The following NRG3 variants were observed in gnomAD, a reference collection of about 807,000 sequenced individuals.
NRG3 encodes pro-neuregulin-3, membrane-bound isoform.
Under a neutral mutation model 66.9 loss-of-function variants are expected in NRG3, and 31 were observed. The ratio of observed to expected loss-of-function variants is 0.46; its 90% CI spans 0.35 to 0.63. The LOEUF (loss-of-function observed/expected upper bound fraction) is 0.63, where lower values mean the gene tolerates loss of function less well. Among genes scored for constraint, NRG3 ranks in the 20% least tolerant of loss-of-function variants. NRG3 has a pLI of 0.00. For missense variants in NRG3, 910 were observed against 878.9 expected (o/e 1.04, Z -0.45); for synonymous variants, 393 against 359.4 (o/e 1.09, Z -1.06).
At chr10:82,398,063 A>G (rs140372136) in intron 2 of NRG3, among the ~76,000 whole-genome samples, 19 of 152,268 alleles carry the variant, frequency 1.2e-4, no homozygotes, top group Non-Finnish European at 2.6e-4. Context: ...CCTTTAGGCA[A>G]TGGCATCTAA....
chr10:81,928,171 A>C (rs1846991631), intron 1 of NRG3, among the ~76,000 whole-genome samples: 1 of 152,212 alleles, frequency 6.6e-6, no homozygotes, highest in South Asian at 2.1e-4. Context: ...TCTGCTGGTT[A>C]TTTTTAAAGG....
At chr10:82,676,241 ACTT>A (rs537322326) in intron 2 of NRG3, among the ~76,000 whole-genome samples, 4 of 152,142 alleles carry the variant, frequency 2.6e-5, no homozygotes, top group Non-Finnish European at 4.4e-5. Flanking sequence ...TCAAAATTGA[ACTT>A]CTGTCTTCAT....
chr10:82,812,681 A>T (rs897720616), intron 3 of NRG3, among the ~76,000 whole-genome samples: 1 of 152,212 alleles, frequency 6.6e-6, no homozygotes, highest in African/African-American at 2.4e-5. Context: ...GATAAAAATT[A>T]GCATAAGAGT....
At chr10:82,452,124 C>T (rs1409683005) in intron 2 of NRG3, among the ~76,000 whole-genome samples, 1 of 152,130 alleles carries the variant, frequency 6.6e-6, no homozygotes, top group Non-Finnish European at 1.5e-5. Context: ...TGTCTAATAA[C>T]CCTATTTATG....
chr10:81,919,000 T>TAC (rs200180355), intron 1 of NRG3, among the ~76,000 whole-genome samples: 3,187 of 129,572 alleles, frequency 0.025, 92 homozygotes, highest in African/African-American at 0.084. Flanking sequence ...CACACATACA[T>TAC]ACACACACAC....
chr10:82,568,341 A>T (rs1330621105), intron 2 of NRG3, among the ~76,000 whole-genome samples: 1 of 151,852 alleles, frequency 6.6e-6, no homozygotes, highest in African/African-American at 2.4e-5. Context: ...AGTTTAGTTA[A>T]CTCTGTGAAA....
At position 82,045,971 on chromosome 10, in the gene NRG3, T is replaced by C. The variant is rs372495855; in HGVS notation, c.823+169808T>C. ...TACCATGCTGTTTTGGTTACTGTAG[T>C]CTTGTAGTATAGTTTGAAGTCAGGT... On this transcript the variant is annotated intron_variant, in intron 1 of 8. Transcript: ENST00000372141. 1.2e-3 allele frequency among the ~76,000 whole-genome samples: 182 copies of C among 151,218 alleles called. 2 individuals carry two copies. Among genetic ancestry groups the C allele is most frequent in the African/African-American group, 3.9e-3 (159 of 41,062 alleles).
At chr10:82,843,311 A>G (rs1278776431) in intron 3 of NRG3, 6 of 445,198 alleles carry the variant, frequency 1.3e-5, no homozygotes, top group African/African-American at 6.0e-5. Context: ...TCAAAGGACA[A>G]TTTAGCTCCC....
intron 2 of NRG3, among the ~76,000 whole-genome samples, chr10:82,538,601 A>G (rs143593544): frequency 6.6e-6 from 1 of 152,166 alleles, no homozygotes; most frequent in East Asian, 1.9e-4. Flanking sequence ...CATACCTAAG[A>G]TGGCAAAACC....
At chr10:82,606,275 T>C (rs961056733) in intron 2 of NRG3, among the ~76,000 whole-genome samples, 14 of 152,198 alleles carry the variant, frequency 9.2e-5, no homozygotes, top group African/African-American at 1.7e-4. Flanking sequence ...ACTTCTTCTT[T>C]GACTCACGTG....
chr10:82,663,624 C>T (rs1284369603), intron 2 of NRG3, among the ~76,000 whole-genome samples: 1 of 152,184 alleles, frequency 6.6e-6, no homozygotes, highest in Non-Finnish European at 1.5e-5. Flanking sequence ...TCAGCGAGAA[C>T]TTCAATAATG....
At chr10:82,370,702 A>G (rs1438981185) in intron 2 of NRG3, among the ~76,000 whole-genome samples, 1 of 152,088 alleles carries the variant, frequency 6.6e-6, no homozygotes, top group African/African-American at 2.4e-5. Context: ...AGTGCACGTT[A>G]ACATCCAACT....
At chr10:82,307,696 G>T (rs879358122) in intron 1 of NRG3, among the ~76,000 whole-genome samples, 13 of 151,388 alleles carry the variant, frequency 8.6e-5, no homozygotes, top group Non-Finnish European at 1.6e-4. Flanking sequence ...ATATTTATTA[G>T]GTTGGTGCAA....
At chr10:81,944,496 T>G (rs961673524) in intron 1 of NRG3, among the ~76,000 whole-genome samples, 2 of 152,254 alleles carry the variant, frequency 1.3e-5, no homozygotes, top group Admixed American at 1.3e-4. Context: ...ACTGAAAAAT[T>G]TTAGTATACA....
chr10:82,488,824 A>C (rs1283130900), intron 2 of NRG3, among the ~76,000 whole-genome samples: 1 of 152,190 alleles, frequency 6.6e-6, no homozygotes, highest in Non-Finnish European at 1.5e-5. Context: ...TTATTTTTTC[A>C]TGAAGATCTT....
intron 1 of NRG3, among the ~76,000 whole-genome samples, chr10:82,003,988 AACACAC>A (rs746699197): frequency 0.025 from 3,407 of 134,370 alleles, 53 homozygotes; most frequent in African/African-American, 0.042. Flanking sequence ...CCTGACTGAA[AACACAC>A]ACACACACAC....
At chr10:82,468,198 C>T (rs747126876) in intron 2 of NRG3, among the ~76,000 whole-genome samples, 4 of 152,146 alleles carry the variant, frequency 2.6e-5, no homozygotes, top group Non-Finnish European at 5.9e-5. Flanking sequence ...CATGTGATCC[C>T]AAAGCTCAAC....
At chr10:81,981,737 T>C (rs2060339260) in intron 1 of NRG3, among the ~76,000 whole-genome samples, 1 of 152,218 alleles carries the variant, frequency 6.6e-6, no homozygotes, top group Admixed American at 6.5e-5. Flanking sequence ...TCCTTGATGA[T>C]GGATAACATA....
intron 1 of NRG3, among the ~76,000 whole-genome samples, chr10:82,072,597 G>A (rs1027106542): frequency 6.6e-6 from 1 of 152,102 alleles, no homozygotes. Context: ...CAGATACACA[G>A]AGAGTATGTT....
Sources: allele counts gnomAD v4.1 joint callset (sites outside exome capture counted in the v4.1 genomes callset), GRCh38; gene constraint gnomAD v4.1.1; transcripts MANE v1.5; gene names NCBI Gene and HGNC (gene_info 2026-07-23, HGNC 2026-07-21).